GAS2: variants seen among roughly 807,000 people sequenced by gnomAD.
GAS2 encodes growth arrest specific 2, also known as growth arrest-specific protein 2.
A neutral mutation model predicts 37.5 loss-of-function variants in GAS2; 20 were observed. The ratio of observed to expected loss-of-function variants is 0.53; its 90% confidence interval spans 0.37 to 0.77. GAS2 has a LOEUF of 0.77. GAS2 is among the 30% of genes least tolerant of loss of function. GAS2 has a pLI of 0.00. For missense variants in GAS2, 336 were observed against 373.4 expected, an observed-to-expected ratio of 0.90 and a Z score of 0.82; for synonymous variants, 144 against 132.2, an observed-to-expected ratio of 1.09 and a Z score of -0.61.
At chr11:22,706,047 C>T (rs1407037865) in intron 3 of GAS2, among the ~76,000 whole-genome samples, 2 of 152,178 alleles carry the variant, frequency 1.3e-5, no homozygotes, top group African/African-American at 4.8e-5. Context: ...GAGACTAGCA[C>T]ATAACTCAAG....
chr11:22,663,181 T>A (rs932554366), upstream of GAS2, among the ~76,000 whole-genome samples: 7 of 152,076 alleles, frequency 4.6e-5, no homozygotes, highest in Non-Finnish European at 7.4e-5. Context: ...GAGAACAGCA[T>A]GCGGGAAACG....
At chr11:22,636,409 A>G (rs925676876) in intron 1 of GAS2, among the ~76,000 whole-genome samples, 1 of 152,190 alleles carries the variant, frequency 6.6e-6, no homozygotes, top group African/African-American at 2.4e-5. Flanking sequence ...TGCCACAGAT[A>G]TAAAATTGTG....
At chr11:22,762,460 G>T (rs368739876) in intron 7 of GAS2, among the ~76,000 whole-genome samples, 23 of 152,208 alleles carry the variant, frequency 1.5e-4, no homozygotes, top group African/African-American at 5.5e-4. Context: ...AGTCAAAGCC[G>T]TGACTTGCCA....
intron 1 of GAS2, 154 bp from the exon 2 acceptor site, chr11:22,674,696 C>G (rs1162794457): frequency 9.6e-6 from 5 of 521,752 alleles, no homozygotes; most frequent in Middle Eastern, 4.9e-4. Flanking sequence ...AGGGCCAGTA[C>G]AGATAAAGCA....
In GAS2 at chr11:22,637,208, C is replaced by A. The variant is rs1329652199; in HGVS notation, c.-21+11395C>A. Reference sequence around the variant, plus strand: ...ATGTTAATATTATATTAATATATTACTTATGTTAATAGTATACTAATATAA... The same window carrying A: ...ATGTTAATATTATATTAATATATTAATTATGTTAATAGTATACTAATATAA... On this transcript the variant is annotated intron_variant, in intron 1 of 5. Transcript: ENST00000528582. 8.7e-5 allele frequency among the ~76,000 whole-genome samples: 10 copies of A among 115,246 alleles called. No homozygotes were observed. In the East Asian group the frequency reaches 1.3e-3, roughly 15 times the overall value. The allele number at this position is 115,246 out of a possible 152,430, so 75.6% of individuals were successfully genotyped here. A position where few individuals can be genotyped will look rare whatever the true frequency, so the allele number is the denominator to read the frequency against.
chr11:22,663,859 C>T (rs765024594), upstream of GAS2, among the ~76,000 whole-genome samples: 10 of 152,066 alleles, frequency 6.6e-5, no homozygotes, highest in Admixed American at 1.3e-4. Context: ...CATTAAAAAA[C>T]TATAATTCAA....
At chr11:22,760,698 A>G (rs1252166747) in intron 7 of GAS2, among the ~76,000 whole-genome samples, 1 of 152,218 alleles carries the variant, frequency 6.6e-6, no homozygotes, top group Non-Finnish European at 1.5e-5. Context: ...AATGATTAGG[A>G]TAAAGACAAA....
intron 3 of GAS2, among the ~76,000 whole-genome samples, chr11:22,724,674 G>A (rs1383840648): frequency 6.6e-6 from 1 of 151,988 alleles, no homozygotes; most frequent in Non-Finnish European, 1.5e-5. Flanking sequence ...GGTTTATATA[G>A]CTATAGTGCC....
At chr11:22,789,303 T>TATATATATATATATATACACACACAC (rs1350750428) in intron 7 of GAS2, among the ~76,000 whole-genome samples, 1 of 111,120 alleles carries the variant, frequency 9.0e-6, no homozygotes, top group African/African-American at 3.7e-5. Flanking sequence ...TATATATATA[T>TATATATATATATATATACACACACAC]ACACACACAC....
At chr11:22,633,027 T>A (rs1858765290) in intron 1 of GAS2, among the ~76,000 whole-genome samples, 2 of 152,154 alleles carry the variant, frequency 1.3e-5, no homozygotes, top group Admixed American at 6.5e-5. Flanking sequence ...AGGAACTTAA[T>A]AATCAACCTC....
intron 7 of GAS2, among the ~76,000 whole-genome samples, chr11:22,766,892 T>C (rs1211316104): frequency 1.3e-5 from 2 of 152,166 alleles, no homozygotes; most frequent in Non-Finnish European, 2.9e-5. Context: ...TGCTATGGTA[T>C]GGCAGAGAGA....
At chr11:22,737,301 T>G (rs1469837564) in intron 4 of GAS2, among the ~76,000 whole-genome samples, 1 of 152,178 alleles carries the variant, frequency 6.6e-6, no homozygotes, top group Non-Finnish European at 1.5e-5. Context: ...GATATTAAAA[T>G]GGCTAGCCCT....
intron 7 of GAS2, among the ~76,000 whole-genome samples, chr11:22,774,285 C>A (rs935461443): frequency 6.6e-6 from 1 of 152,186 alleles, no homozygotes; most frequent in African/African-American, 2.4e-5. Context: ...TGAGCCACTG[C>A]GCCTGGCCTT....
intron 1 of GAS2, among the ~76,000 whole-genome samples, chr11:22,669,791 A>G (rs1349632179): frequency 6.6e-6 from 1 of 152,140 alleles, no homozygotes; most frequent in Non-Finnish European, 1.5e-5. Context: ...GGTGCTTTTC[A>G]ATTTGTGGAT....
intron 3 of GAS2, among the ~76,000 whole-genome samples, chr11:22,718,584 T>G (rs1851800038): frequency 6.6e-6 from 1 of 151,782 alleles, no homozygotes; most frequent in African/African-American, 2.4e-5. Context: ...AAGTGATGGG[T>G]GCACCGAAAT....
In GAS2 at chr11:22,723,593, G is replaced by A. The variant is rs547813477; in HGVS notation, c.268-2699G>A. Among the ~76,000 whole-genome samples the A allele has an allele frequency of 5.3e-5, 8 of 151,952 alleles. No homozygotes were observed. In the South Asian group the frequency reaches 1.7e-3, roughly 32 times the overall value. ...TGTTCCTTTTTGCCACATAGATCAT[G>A]TACCTCATGTCATTTAGCAAGGCTG... is the stretch of plus-strand genomic sequence containing the variant. On this transcript the variant is annotated intron_variant, in intron 3 of 7. Coordinates refer to ENST00000454584, the MANE Select transcript of GAS2 (RefSeq NM_001143830.3).
At chr11:22,795,517 G>T (rs1245116321) in intron 7 of GAS2, among the ~76,000 whole-genome samples, 1 of 152,130 alleles carries the variant, frequency 6.6e-6, no homozygotes, top group Non-Finnish European at 1.5e-5. Flanking sequence ...TTACTCTGAG[G>T]TTATCTGGGA....
At chr11:22,627,984 G>A (rs370821899) in intron 1 of GAS2, among the ~76,000 whole-genome samples, 27 of 152,158 alleles carry the variant, frequency 1.8e-4, no homozygotes, top group African/African-American at 6.0e-4. Context: ...GACAGTGTAT[G>A]GCAAGAATTA....
intron 7 of GAS2, among the ~76,000 whole-genome samples, chr11:22,803,672 G>A (rs76249456): frequency 0.011 from 1,664 of 152,148 alleles, 35 homozygotes; most frequent in African/African-American, 0.038. Flanking sequence ...AGATAAAGTA[G>A]GTACAACCTG....
Sources: allele counts gnomAD v4.1 joint callset (sites outside exome capture counted in the v4.1 genomes callset), GRCh38; gene constraint gnomAD v4.1.1; transcripts MANE v1.5; gene names NCBI Gene and HGNC (gene_info 2026-07-23, HGNC 2026-07-21).